The following APCDD1L variants were observed in gnomAD, a reference collection of about 807,000 sequenced individuals.
The protein encoded by APCDD1L is protein APCDD1-like.
Under a neutral mutation model 24.2 loss-of-function variants are expected in APCDD1L, and 21 were observed. The ratio of observed to expected loss-of-function variants is 0.87; its 90% confidence interval spans 0.61 to 1.25. The LOEUF is 1.25. APCDD1L is among the 50% of genes most tolerant of loss of function. APCDD1L has a pLI of 0.00. For synonymous variants in APCDD1L, 321 were observed against 323.6 expected (o/e 0.99, Z 0.09); for missense variants, 704 against 711.7 (o/e 0.99, Z 0.12).
intron 1 of APCDD1L, among the ~76,000 whole-genome samples, chr20:58,485,778 C>G (rs553927557): frequency 6.6e-6 from 1 of 152,308 alleles, no homozygotes; most frequent in East Asian, 1.9e-4. Flanking sequence ...CTGTGCCTAA[C>G]TAGATTTGGT....
At chr20:58,478,844 T>A (rs1160489107) in intron 1 of APCDD1L, among the ~76,000 whole-genome samples, 1 of 151,902 alleles carries the variant, frequency 6.6e-6, no homozygotes, top group Non-Finnish European at 1.5e-5. Context: ...GTCAGGGAGT[T>A]CCCAGCAGGC....
intron 3 of APCDD1L, among the ~76,000 whole-genome samples, chr20:58,466,284 T>G (rs1989703245): frequency 6.6e-6 from 1 of 152,224 alleles, no homozygotes; most frequent in Non-Finnish European, 1.5e-5. Context: ...GTGGTTTCCT[T>G]TAGCCTGCAG....
intron 1 of APCDD1L, among the ~76,000 whole-genome samples, chr20:58,511,718 T>C (rs1277014363): frequency 6.6e-6 from 1 of 152,138 alleles, no homozygotes; most frequent in Non-Finnish European, 1.5e-5. Context: ...TCACATTAGA[T>C]TTTTGGATGA....
intron 3 of APCDD1L, among the ~76,000 whole-genome samples, chr20:58,466,722 G>T (rs543176622): frequency 1.2e-4 from 19 of 152,316 alleles, no homozygotes; most frequent in Non-Finnish European, 2.2e-4. Flanking sequence ...TGCGGGAAAC[G>T]GGGAACGGTA....
chr20:58,501,447 C>T (rs1488167885), intron 1 of APCDD1L, among the ~76,000 whole-genome samples: 1 of 152,086 alleles, frequency 6.6e-6, no homozygotes, highest in Non-Finnish European at 1.5e-5. Flanking sequence ...GAATAATGGC[C>T]GTAGAGGGCA....
intron 1 of APCDD1L, among the ~76,000 whole-genome samples, chr20:58,484,208 T>A (rs929960376): frequency 1.3e-5 from 2 of 152,212 alleles, no homozygotes; most frequent in African/African-American, 4.8e-5. Flanking sequence ...AGTTCTTTTA[T>A]GCCATACATA....
intron 1 of APCDD1L, among the ~76,000 whole-genome samples, chr20:58,474,520 A>G (rs1218661166): frequency 1.3e-5 from 2 of 152,152 alleles, no homozygotes; most frequent in African/African-American, 4.8e-5. Flanking sequence ...CCTGGCCAAC[A>G]TGGTGAAACC....
rs1464236487 is a variant in APCDD1L, at chr20:58,508,700, A to G, written c.49+5959T>C. 6.6e-6 allele frequency among the ~76,000 whole-genome samples: 1 copy of G among 152,184 alleles called. No individual in the cohort carries two copies. Among genetic ancestry groups the G allele is most frequent in the Non-Finnish European group, 1.5e-5 (1 of 68,036 alleles). On this transcript the variant is annotated intron_variant, in intron 1 of 3. Coordinates refer to ENST00000371149, the MANE Select transcript of APCDD1L (RefSeq NM_153360.3). The surrounding 1 kb of genome is among the most constrained non-coding windows in gnomAD (Gnocchi z 4.0). ...CACTATGTTGGGTATATGAGCGATT[A>G]CTGAGTACCTACTATGTGCCAGGCA...
chr20:58,513,892 C>G, intron 1 of APCDD1L: 1 of 1,304,242 alleles, frequency 7.7e-7, no homozygotes, highest in Non-Finnish European at 1.0e-6. Flanking sequence ...CCAGAATTCT[C>G]AGCCATTCAT....
intron 3 of APCDD1L, among the ~76,000 whole-genome samples, chr20:58,466,308 C>G (rs568853856): frequency 3.9e-4 from 59 of 152,320 alleles, no homozygotes; most frequent in African/African-American, 1.4e-3. Context: ...CCCCACACCC[C>G]GGACAGCTTG....
rs59846654 is a variant in APCDD1L at position 58,462,843 on chromosome 20, C to CAA, written c.742-1291_742-1290dup. The stretch of plus-strand genomic sequence containing the variant: ...TGGGGGACAGAGCGAGACACCATCT[C>CAA]AAAAAAAAAAAAAAAATTGGCCAGG... On this transcript the variant is annotated intron_variant, in intron 3 of 3. Transcript: ENST00000371149. Among the ~76,000 whole-genome samples the CAA allele has an allele frequency of 7.6e-3, 864 of 114,228 alleles. 8 individuals carry two copies. The highest frequency in any genetic ancestry group is 0.022 in the African/African-American group (707 of 31,550). The allele number at this position is 114,228 out of a possible 152,430, so 74.9% of individuals were successfully genotyped here.
At chr20:58,498,773 C>A (rs1990373656) in intron 1 of APCDD1L, among the ~76,000 whole-genome samples, 1 of 152,248 alleles carries the variant, frequency 6.6e-6, no homozygotes, top group South Asian at 2.1e-4. Context: ...GCCTCCTCCT[C>A]CTCTGTCCAA....
chr20:58,515,302 T>G lies in APCDD1L; in HGVS notation c.-595A>C. On this transcript the variant is annotated 5_prime_UTR_variant, in exon 1 of 4. Coordinates refer to ENST00000371149, the MANE Select transcript of APCDD1L (RefSeq NM_153360.3). The stretch of plus-strand genomic sequence containing the variant: ...AGCAAACCCAGAAGCGCAGTGAAAG[T>G]GGCCAACCCGGTCGCCTAGAAGCCA... The G allele has an allele frequency of 4.1e-6, 1 of 246,538 alleles. No homozygotes were observed. The highest frequency in any genetic ancestry group is 7.7e-6 in the Non-Finnish European group (1 of 130,158). The allele number at this position is 246,538 out of a possible 1,614,324, so 15.3% of individuals were successfully genotyped here.
rs139038643 is a variant in APCDD1L at position 58,461,259 on chromosome 20, C to T, written c.1037G>A (p.Arg346His). The change falls in exon 4 of 4, where the codon CGC becomes CAC. Residue 346 changes from arginine to histidine, a missense_variant. Arg to His is a conservative substitution (Grantham distance 29). Transcript: ENST00000371149. The surrounding 1 kb of genome is among the most constrained non-coding windows in gnomAD (Gnocchi z 6.0). ...YTRGTPSTRV[R>H]GGTELVFEVT... ...CTCAAACACCAGCTCGGTGCCGCCGCGGACCCTGGTGGATGGCGTGCCCCT... is the reference window on the plus strand; with the variant it reads ...CTCAAACACCAGCTCGGTGCCGCCGTGGACCCTGGTGGATGGCGTGCCCCT... 15 of 1,613,316 alleles carry T rather than the reference C, an allele frequency of 9.3e-6. No homozygotes were observed. The highest frequency in any genetic ancestry group is 5.3e-5 in the African/African-American group (4 of 74,894).
intron 1 of APCDD1L, among the ~76,000 whole-genome samples, chr20:58,489,354 C>T (rs930296455): frequency 2.6e-5 from 4 of 151,790 alleles, no homozygotes; most frequent in South Asian, 2.1e-4. Context: ...GCCTGGGCAA[C>T]GTGGAGAAAA....
rs1477698386 is a variant in APCDD1L at position 58,467,405 on chromosome 20, G to T, written c.442C>A (p.Arg148Ser). The T allele has an allele frequency of 2.6e-6, 4 of 1,538,442 alleles. No homozygotes were observed. The highest frequency in any genetic ancestry group is 2.6e-6 in the Non-Finnish European group (3 of 1,145,000). Residue 148 changes from arginine to serine, a missense_variant, in exon 3 of 4, where the codon CGC becomes AGC. Transcript: ENST00000371149. This position sits in a 1 kb window ranked among gnomAD's most constrained non-coding sequence, Gnocchi z 5.9. ...SRRALVDVTG[R>S]LNQTRAGRDC... is the part of the protein sequence containing the mutation. The stretch of plus-strand genomic sequence containing the variant: ...CGGCCGGCGCGGGTCTGGTTGAGGC[G>T]CCCGGTGACGTCGACCAGGGCCCGG...
At chr20:58,475,304 G>C (rs1445176269) in intron 1 of APCDD1L, among the ~76,000 whole-genome samples, 2 of 152,154 alleles carry the variant, frequency 1.3e-5, no homozygotes, top group Non-Finnish European at 2.9e-5. Flanking sequence ...AACGAACACA[G>C]GGTGGGGTGC....
At chr20:58,503,719 T>C (rs983778249) in intron 1 of APCDD1L, among the ~76,000 whole-genome samples, 4 of 152,200 alleles carry the variant, frequency 2.6e-5, no homozygotes, top group African/African-American at 9.7e-5. Context: ...CATATACTAT[T>C]TAGCTAACTG....
rs995304627 is a variant in APCDD1L at position 58,494,401 on chromosome 20, C to T, written c.49+20258G>A. ...CGCATAGGCTAGAGTACAATGGGAT[C>T]GGCTCACTGCAGCCTCAAACTCCCC... On this transcript the variant is annotated intron_variant, in intron 1 of 3. Transcript: ENST00000371149. The surrounding 1 kb of genome is among the most constrained non-coding windows in gnomAD (Gnocchi z 4.8). Among the ~76,000 whole-genome samples the T allele has an allele frequency of 1.3e-5, 2 of 151,796 alleles. No individual in the cohort carries two copies. The highest frequency in any genetic ancestry group is 2.1e-4 in the South Asian group (1 of 4,810).
Sources: allele counts gnomAD v4.1 joint callset (sites outside exome capture counted in the v4.1 genomes callset), GRCh38; gene constraint gnomAD v4.1.1; non-coding constraint Gnocchi (gnomAD v3.1); transcripts MANE v1.5; gene names NCBI Gene and HGNC (gene_info 2026-07-23, HGNC 2026-07-21).